PPA2: variants seen among roughly 807,000 people sequenced by gnomAD.
PPA2 encodes inorganic pyrophosphatase 2, mitochondrial.
Under a neutral mutation model 49.5 loss-of-function variants are expected in PPA2, and 48 were observed. That is an observed-to-expected ratio of 0.97 (90% CI 0.77 to 1.23). The LOEUF is 1.23. Ranked by LOEUF, PPA2 falls within the 50% of genes most tolerant of loss-of-function variation. The probability of loss-of-function intolerance (pLI) is 0.00; values close to 1 mark genes in which losing one functional copy is unlikely to be tolerated. For missense variants in PPA2, 429 were observed against 410.1 expected, an observed-to-expected ratio of 1.05 and a Z score of -0.40; for synonymous variants, 131 against 139.9, an observed-to-expected ratio of 0.94 and a Z score of 0.45.
At chr4:105,378,225 T>C (rs563056788) in intron 10 of PPA2, among the ~76,000 whole-genome samples, 1 of 152,308 alleles carries the variant, frequency 6.6e-6, no homozygotes, top group South Asian at 2.1e-4. Context: ...CTGGTCCTTT[T>C]ACTTTCAGAC....
At chr4:105,395,869 C>T (rs1474050916) in intron 9 of PPA2, among the ~76,000 whole-genome samples, 1 of 152,048 alleles carries the variant, frequency 6.6e-6, no homozygotes, top group Non-Finnish European at 1.5e-5. Context: ...TTACTTAATT[C>T]CTCTTAATCA....
At chr4:105,417,200 G>A (rs1723051581) in intron 7 of PPA2, among the ~76,000 whole-genome samples, 1 of 152,122 alleles carries the variant, frequency 6.6e-6, no homozygotes, top group African/African-American at 2.4e-5. Flanking sequence ...TCACTTAACA[G>A]TTACCCTAAA....
intron 6 of PPA2, among the ~76,000 whole-genome samples, chr4:105,428,462 G>C (rs377167766): frequency 6.6e-6 from 1 of 151,608 alleles, no homozygotes. Flanking sequence ...CCCATCTCAC[G>C]TGCAGAGACA....
intron 6 of PPA2, among the ~76,000 whole-genome samples, chr4:105,429,242 A>G: frequency 6.6e-6 from 1 of 152,244 alleles, no homozygotes; most frequent in Admixed American, 6.5e-5. Context: ...TATTACCAAG[A>G]AAATTTGCAG....
intron 7 of PPA2, among the ~76,000 whole-genome samples, chr4:105,417,563 A>AC (rs1327492641): frequency 1.3e-4 from 20 of 151,466 alleles, no homozygotes; most frequent in African/African-American, 4.8e-4. Flanking sequence ...GAAACCAAAA[A>AC]AAAAAAACTG....
chr4:105,396,156 A>T (rs956976291), intron 9 of PPA2, 93 bp downstream of exon 9: 96 of 731,648 alleles, frequency 1.3e-4, no homozygotes, highest in Admixed American at 7.9e-4. Flanking sequence ...TGTTTAAATT[A>T]AAAAAAATGC....
In PPA2 at chr4:105,369,409, G is replaced by C. The variant is rs1732931858; in HGVS notation, c.*316C>G. The C allele has an allele frequency of 8.5e-6, 2 of 234,350 alleles. No individual in the cohort carries two copies. Among genetic ancestry groups the C allele is most frequent in the Non-Finnish European group, 1.7e-5 (2 of 119,410 alleles). 14.5% of individuals were successfully genotyped at this position (234,350 alleles called of 1,614,324 possible). A position where few individuals can be genotyped will look rare whatever the true frequency, so the allele number is the denominator to read the frequency against. On this transcript the variant is annotated 3_prime_UTR_variant, in exon 12 of 12. Transcript: ENST00000341695. ...CTGGCTAATTTTTGTATTTTTAATA[G>C]AGATGGGGTTTCAACATACTGGCCA... is the stretch of plus-strand genomic sequence containing the variant.
chr4:105,473,719 C>T, intron 1 of PPA2, 175 bp downstream of exon 1: 1 of 1,008,620 alleles, frequency 9.9e-7, no homozygotes, highest in Admixed American at 1.8e-5. Flanking sequence ...TGGCAGTTCT[C>T]GTGACTCGGT....
At chr4:105,384,267 TG>T (rs1395246532) in intron 10 of PPA2, among the ~76,000 whole-genome samples, 3 of 152,212 alleles carry the variant, frequency 2.0e-5, no homozygotes, top group Non-Finnish European at 4.4e-5. Flanking sequence ...GTATTCTCAG[TG>T]AAAAATTATT....
chr4:105,372,979 T>C (rs1248142155), intron 10 of PPA2, among the ~76,000 whole-genome samples: 1 of 152,218 alleles, frequency 6.6e-6, no homozygotes, highest in Non-Finnish European at 1.5e-5. Context: ...AGTGTAACCA[T>C]GTAAATAAAA....
chr4:105,419,362 G>A (rs1292840603), intron 7 of PPA2, among the ~76,000 whole-genome samples: 1 of 152,030 alleles, frequency 6.6e-6, no homozygotes, highest in Non-Finnish European at 1.5e-5. Context: ...CTGTGTCCAT[G>A]TATTCTCACT....
At chr4:105,458,818 CAAAAAAAAAAAAAAA>C (rs57073135) in intron 1 of PPA2, among the ~76,000 whole-genome samples, 2 of 31,512 alleles carry the variant, frequency 6.3e-5, no homozygotes, top group South Asian at 1.4e-3. Flanking sequence ...ACTCCACCTC[CAAAAAAAAAAAAAAA>C]AAAAAAAAAA....
At chr4:105,428,980 T>C (rs1426486899) in intron 6 of PPA2, among the ~76,000 whole-genome samples, 3 of 152,276 alleles carry the variant, frequency 2.0e-5, no homozygotes, top group Admixed American at 6.5e-5. Context: ...TATCCCTGCT[T>C]AGTGTTTGCA....
intron 5 of PPA2, among the ~76,000 whole-genome samples, chr4:105,445,216 C>G (rs1560634663): frequency 6.6e-6 from 1 of 152,186 alleles, no homozygotes; most frequent in Non-Finnish European, 1.5e-5. Flanking sequence ...TTGTCTGTCT[C>G]TAATTCATTG....
At chr4:105,425,703 TGAGA>T (rs1185942975) in intron 6 of PPA2, among the ~76,000 whole-genome samples, 3 of 129,484 alleles carry the variant, frequency 2.3e-5, no homozygotes, top group Non-Finnish European at 5.0e-5. Flanking sequence ...CCCCACAGAT[TGAGA>T]AAGGACACAT....
At chr4:105,415,570 C>G (rs772072070) in intron 7 of PPA2, among the ~76,000 whole-genome samples, 1 of 152,172 alleles carries the variant, frequency 6.6e-6, no homozygotes. Context: ...CTCAGGCCCC[C>G]GAGAGTGCAG....
chr4:105,410,258 A>T (rs966584832), intron 7 of PPA2, among the ~76,000 whole-genome samples: 1 of 152,252 alleles, frequency 6.6e-6, no homozygotes, highest in Admixed American at 6.5e-5. Flanking sequence ...CAAGAACTTC[A>T]TGACGCATGC....
chr4:105,438,281 T>C (rs1426867506), intron 5 of PPA2, among the ~76,000 whole-genome samples: 1 of 152,208 alleles, frequency 6.6e-6, no homozygotes, highest in Non-Finnish European at 1.5e-5. Flanking sequence ...GGGTGGTATA[T>C]GCAGACATAC....
At chr4:105,414,426 C>T (rs1722907542) in intron 7 of PPA2, among the ~76,000 whole-genome samples, 1 of 152,194 alleles carries the variant, frequency 6.6e-6, no homozygotes, top group African/African-American at 2.4e-5. Context: ...GCGCTCCGCT[C>T]GTGCTAAGCC....
Sources: allele counts gnomAD v4.1 joint callset (sites outside exome capture counted in the v4.1 genomes callset), GRCh38; gene constraint gnomAD v4.1.1; transcripts MANE v1.5; gene names NCBI Gene and HGNC (gene_info 2026-07-23, HGNC 2026-07-21).